Variants in DZIP3 observed in about 807,000 individuals in gnomAD.
DZIP3 encodes the protein E3 ubiquitin-protein ligase DZIP3.
A neutral mutation model predicts 162.0 loss-of-function variants in DZIP3; 118 were observed. The observed-to-expected ratio is 0.73, with a 90% CI of 0.63 to 0.85. DZIP3 has a LOEUF of 0.85. DZIP3 is among the 40% of genes least tolerant of loss of function. The probability of loss-of-function intolerance (pLI) is 0.00; values close to 1 mark genes in which losing one functional copy is unlikely to be tolerated. For missense variants in DZIP3, 1,331 were observed against 1,407.0 expected (o/e 0.95, Z 0.86); for synonymous variants, 438 against 458.6 (o/e 0.96, Z 0.57).
chr3:108,616,591 G>A lies in DZIP3; in HGVS notation c.309G>A (p.Leu103=), dbSNP rs1298530621. The change falls in exon 5 of 33, where the codon TTG becomes TTA. Residue 103 remains leucine (L), a synonymous_variant. Transcript: ENST00000361582. Reference sequence around the variant, plus strand: ...ATGGTGAGGAAATTGTTCCTGCTTTGACTTTACGTTTCTTGATTACACAGC... The same window carrying A: ...ATGGTGAGGAAATTGTTCCTGCTTTAACTTTACGTTTCTTGATTACACAGC... ...SQNGEEIVPA[L]TLRFLITQLE... The A allele has an allele frequency of 6.2e-7, 1 of 1,610,212 alleles. No individual in the cohort carries two copies.
rs1212614099 is a variant in DZIP3, at chr3:108,633,008, T to C, written c.752T>C (p.Ile251Thr). The change falls in exon 9 of 33, where the codon ATT (isoleucine) becomes ACT (threonine). Residue 251 changes from isoleucine (I) to threonine (T), a missense_variant. Around this residue, in one of 2 missense-constraint regions of DZIP3, gnomAD observed 1,278 missense variants for 1,317.1 expected, o/e 0.97. Coordinates refer to ENST00000361582, the MANE Select transcript of DZIP3 (RefSeq NM_014648.4). The part of the protein sequence containing the change: ...TTESNIMKQT[I>T]CSYLDCERSC... ...GAAAGCAATATAATGAAGCAGACGA[T>C]TTGTAGTTACCTAGATTGTGAACGA... 3 of 1,508,646 alleles carry C rather than the reference T, an allele frequency of 2.0e-6. No homozygotes were observed. Among genetic ancestry groups the C allele is most frequent in the Non-Finnish European group, 2.7e-6 (3 of 1,121,342 alleles). 93.5% of individuals were successfully genotyped at this position (1,508,646 alleles called of 1,614,324 possible).
In DZIP3 at chr3:108,664,441, A is replaced by G. The variant is rs536908451; in HGVS notation, c.2423+2184A>G. Reference sequence around the variant, plus strand: ...AGTAGTAAGCAAGCAGCTGACTTCCAAGTTCCACTGGGGAGAAGGAGACAG... The same window carrying G: ...AGTAGTAAGCAAGCAGCTGACTTCCGAGTTCCACTGGGGAGAAGGAGACAG... On this transcript the variant is annotated intron_variant, in intron 21 of 32. Coordinates refer to ENST00000361582, the MANE Select transcript of DZIP3 (RefSeq NM_014648.4). Among the ~76,000 whole-genome samples the G allele has an allele frequency of 6.6e-5, 10 of 152,290 alleles. No individual in the cohort carries two copies. In the South Asian group the frequency reaches 2.1e-3, roughly 32 times the overall value.
intron 27 of DZIP3, among the ~76,000 whole-genome samples, chr3:108,685,214 T>A (rs1944454605): frequency 6.6e-6 from 1 of 152,172 alleles, no homozygotes; most frequent in Non-Finnish European, 1.5e-5. Flanking sequence ...ATTACAGTGT[T>A]AACTCTTGCA....
At chr3:108,610,511 C>T (rs1312607766) in intron 3 of DZIP3, among the ~76,000 whole-genome samples, 1 of 152,218 alleles carries the variant, frequency 6.6e-6, no homozygotes, top group East Asian at 1.9e-4. Context: ...ATTTCAGCAT[C>T]TCAAGCTCTA....
intron 5 of DZIP3, 55 bp from the exon 6 acceptor site, chr3:108,624,389 G>T: frequency 1.1e-6 from 1 of 921,082 alleles, no homozygotes; most frequent in Non-Finnish European, 1.8e-6. Flanking sequence ...TAAGCTTGTT[G>T]TACTGAAAAG....
chr3:108,671,550 C>G (rs1376238191), intron 22 of DZIP3, among the ~76,000 whole-genome samples: 1 of 151,858 alleles, frequency 6.6e-6, no homozygotes, highest in Non-Finnish European at 1.5e-5. Flanking sequence ...CTTCCTCCTT[C>G]CCTCTCAAAC....
chr3:108,641,152 T>C (rs1942382937), intron 12 of DZIP3, among the ~76,000 whole-genome samples: 1 of 152,138 alleles, frequency 6.6e-6, no homozygotes, highest in Non-Finnish European at 1.5e-5. Context: ...AAAATAATTA[T>C]ACCACAGCAT....
At chr3:108,637,398 C>T in intron 11 of DZIP3, 98 bp from the exon 12 acceptor site, 1 of 1,073,154 alleles carries the variant, frequency 9.3e-7, no homozygotes, top group Non-Finnish European at 1.4e-6. Context: ...TGTGGCTTCA[C>T]TCTCATTGTA....
At chr3:108,671,821 T>C (rs778207169) in intron 22 of DZIP3, among the ~76,000 whole-genome samples, 5 of 151,984 alleles carry the variant, frequency 3.3e-5, no homozygotes, top group Non-Finnish European at 5.9e-5. Flanking sequence ...AGCAGCTCTT[T>C]GAGGTAAGTA....
chr3:108,684,328 C>A lies in DZIP3; in HGVS notation c.2996C>A (p.Pro999His), dbSNP rs535414576. Residue 999 changes from proline (P) to histidine (H), a missense_variant, in exon 27 of 33, where the codon CCT (proline) becomes CAT (histidine). Transcript: ENST00000361582. ...CPGVVSATGQ[P>H]RAPLMTGIAW... ...GGAGTCGTCTCTGCAACTGGCCAAC[C>A]TAGAGCCCCCCTGGTAAAAGCTTTC... 2 of 1,611,756 alleles carry A rather than the reference C, an allele frequency of 1.2e-6. No homozygotes were observed. Among genetic ancestry groups the A allele is most frequent in the African/African-American group, 2.7e-5 (2 of 74,758 alleles).
chr3:108,663,388 C>CT (rs1348710637), intron 21 of DZIP3, among the ~76,000 whole-genome samples: 2 of 152,034 alleles, frequency 1.3e-5, no homozygotes, highest in Non-Finnish European at 2.9e-5. Flanking sequence ...AAAACCCCAT[C>CT]TCTACTAAAA....
chr3:108,591,273 T>A (rs182139937), intron 1 of DZIP3, among the ~76,000 whole-genome samples: 1 of 152,254 alleles, frequency 6.6e-6, no homozygotes, highest in East Asian at 1.9e-4. Flanking sequence ...TCCTATACGG[T>A]CTTGGAGATG....
At chr3:108,599,844 A>T (rs1335277682) in intron 1 of DZIP3, among the ~76,000 whole-genome samples, 1 of 152,128 alleles carries the variant, frequency 6.6e-6, no homozygotes, top group Non-Finnish European at 1.5e-5. Flanking sequence ...ATCAGAACCA[A>T]CTTTGCTGAC....
chr3:108,590,983 T>C (rs2107399252), intron 1 of DZIP3, among the ~76,000 whole-genome samples: 1 of 152,024 alleles, frequency 6.6e-6, no homozygotes, highest in Non-Finnish European at 1.5e-5. Flanking sequence ...ATAAACACAA[T>C]AAATAAGTAA....
intron 8 of DZIP3, among the ~76,000 whole-genome samples, chr3:108,631,707 T>C (rs2107598525): frequency 6.6e-6 from 1 of 150,840 alleles, no homozygotes; most frequent in African/African-American, 2.4e-5. Context: ...ATTTTTCTGT[T>C]ATCTTTTAAC....
chr3:108,681,287 C>G (rs150521466), intron 26 of DZIP3, among the ~76,000 whole-genome samples: 2 of 152,186 alleles, frequency 1.3e-5, no homozygotes, highest in Non-Finnish European at 2.9e-5. Context: ...ACAGACACTT[C>G]TCAAAAGAAG....
intron 8 of DZIP3, among the ~76,000 whole-genome samples, chr3:108,630,972 G>A (rs1212177058): frequency 2.8e-5 from 4 of 140,978 alleles, no homozygotes; most frequent in Non-Finnish European, 6.1e-5. Context: ...ACTTCTCACT[G>A]TGAAAAATGA....
intron 6 of DZIP3, among the ~76,000 whole-genome samples, 181 bp downstream of exon 6, chr3:108,624,705 T>G (rs953223616): frequency 2.0e-5 from 3 of 152,108 alleles, no homozygotes; most frequent in Non-Finnish European, 4.4e-5. Flanking sequence ...TTATTTAGCT[T>G]CTTTCACTTA....
rs555405668 is a variant in DZIP3 at position 108,694,745 on chromosome 3, A to G, written c.*1392A>G. 5 of 152,322 alleles carry G rather than the reference A, an allele frequency of 3.3e-5. No homozygotes were observed. The highest frequency in any genetic ancestry group is 1.2e-4 in the African/African-American group (5 of 41,570). The allele number at this position is 152,322 out of a possible 1,614,324, so 9.4% of individuals were successfully genotyped here. On this transcript the variant is annotated 3_prime_UTR_variant, in exon 33 of 33. Coordinates refer to ENST00000361582, the MANE Select transcript of DZIP3 (RefSeq NM_014648.4). Reference sequence around the variant, plus strand: ...TATCACACCTTAAGGTCATGGTCATATAGCTAGTTATCTTGTAAAACCAAT... The same window carrying G: ...TATCACACCTTAAGGTCATGGTCATGTAGCTAGTTATCTTGTAAAACCAAT...
Sources: allele counts gnomAD v4.1 joint callset (sites outside exome capture counted in the v4.1 genomes callset), GRCh38; gene constraint gnomAD v4.1.1; regional missense constraint gnomAD v4.1.1; transcripts MANE v1.5; gene names NCBI Gene and HGNC (gene_info 2026-07-23, HGNC 2026-07-21).